Variants in EIF2B3 observed in about 807,000 individuals in gnomAD.
The protein encoded by EIF2B3 is eukaryotic translation initiation factor 2B subunit gamma.
Under a neutral mutation model 54.1 loss-of-function variants are expected in EIF2B3, and 20 were observed. That is an observed-to-expected ratio of 0.37 (90% confidence interval 0.26 to 0.54). The LOEUF is 0.54. Among genes scored for constraint, EIF2B3 ranks in the 20% least tolerant of loss-of-function variants. The pLI is 0.86. For synonymous variants in EIF2B3, 153 were observed against 188.1 expected (o/e 0.81, Z 1.52); for missense variants, 448 against 547.8 (o/e 0.82, Z 1.82).
intron 1 of EIF2B3, among the ~76,000 whole-genome samples, chr1:44,984,795 A>ATTTTTTTTTTTTTTTTT (rs1557718636): frequency 1.2e-5 from 1 of 80,470 alleles, no homozygotes; most frequent in Non-Finnish European, 2.1e-5. Context: ...AATAATGTCC[A>ATTTTTTTTTTTTTTTTT]TCTTTTTTTT....
chr1:44,902,682 G>C (rs1349297692), intron 5 of EIF2B3, among the ~76,000 whole-genome samples: 1 of 151,520 alleles, frequency 6.6e-6, no homozygotes, highest in Non-Finnish European at 1.5e-5. Context: ...AGAAAAACTA[G>C]CCAGGCATGG....
chr1:44,958,798 G>A, intron 3 of EIF2B3: 2 of 1,309,084 alleles, frequency 1.5e-6, no homozygotes, highest in South Asian at 1.2e-5. Context: ...GCAGGACTGC[G>A]ACAAGAGATC....
intron 3 of EIF2B3, among the ~76,000 whole-genome samples, chr1:44,948,776 A>G (rs1644130692): frequency 6.6e-6 from 1 of 152,122 alleles, no homozygotes; most frequent in South Asian, 2.1e-4. Flanking sequence ...AGGGTCTTCA[A>G]AATATGACTC....
intron 11 of EIF2B3, among the ~76,000 whole-genome samples, chr1:44,854,282 C>T (rs970666570): frequency 6.6e-6 from 1 of 151,994 alleles, no homozygotes; most frequent in South Asian, 2.1e-4. Flanking sequence ...GGATTACAGG[C>T]GTGAGCTACA....
intron 8 of EIF2B3, among the ~76,000 whole-genome samples, chr1:44,876,017 C>A (rs536822039): frequency 7.9e-5 from 12 of 152,338 alleles, no homozygotes; most frequent in South Asian, 4.1e-4. Flanking sequence ...AGCTCCTAAC[C>A]GCGAGTGATC....
chr1:44,925,991 G>A (rs1643843943), intron 5 of EIF2B3, among the ~76,000 whole-genome samples: 1 of 151,884 alleles, frequency 6.6e-6, no homozygotes, highest in Non-Finnish European at 1.5e-5. Flanking sequence ...ACTTTGGGGG[G>A]CCGAGGTGGG....
intron 10 of EIF2B3, among the ~76,000 whole-genome samples, chr1:44,870,362 G>A (rs1210613167): frequency 6.6e-6 from 1 of 151,986 alleles, no homozygotes; most frequent in Non-Finnish European, 1.5e-5. Context: ...CACAGACCTT[G>A]TCTCCCACAA....
intron 11 of EIF2B3, among the ~76,000 whole-genome samples, chr1:44,855,041 G>C (rs1442233881): frequency 2.0e-5 from 3 of 151,194 alleles, no homozygotes; most frequent in African/African-American, 2.4e-5. Context: ...CAAGTCTTGA[G>C]TGCTGCACTG....
At chr1:44,909,620 A>G (rs1643474612) in intron 5 of EIF2B3, among the ~76,000 whole-genome samples, 2 of 152,184 alleles carry the variant, frequency 1.3e-5, no homozygotes, top group Admixed American at 1.3e-4. Context: ...AGATATTGAC[A>G]TGGGTTATCT....
rs263976 is a variant in EIF2B3 at position 44,893,244 on chromosome 1, T to C, written c.656+4111A>G. On this transcript the variant is annotated intron_variant, in intron 6 of 11. Transcript: ENST00000360403. ...ATGCCCAGCTAACATAACTTCATTT[T>C]GTATGTGGCTTTAATTATTACCTTG... is the stretch of plus-strand genomic sequence containing the variant. 6.7e-3 allele frequency among the ~76,000 whole-genome samples: 1,018 copies of C among 152,296 alleles called. 13 individuals carry two copies. Among genetic ancestry groups the C allele is most frequent in the African/African-American group, 0.023 (967 of 41,560 alleles).
In EIF2B3 at chr1:44,877,012, G is replaced by C. The variant is rs149457687; in HGVS notation, c.976-1317C>G. On this transcript the variant is annotated intron_variant, in intron 8 of 11. Coordinates refer to ENST00000360403, the MANE Select transcript of EIF2B3 (RefSeq NM_020365.5). The stretch of plus-strand genomic sequence containing the variant: ...CTTGAAGGCAGCATGCTCGTTAAGA[G>C]TCATCACCACTCCCTGATCTTAAGT... 3.5e-3 allele frequency among the ~76,000 whole-genome samples: 523 copies of C among 149,858 alleles called. 4 individuals carry two copies. Among genetic ancestry groups the C allele is most frequent in the African/African-American group, 0.012 (476 of 40,058 alleles).
chr1:44,850,685 G>T lies in EIF2B3; in HGVS notation c.*266C>A. The T allele has an allele frequency of 1.9e-6, 1 of 532,086 alleles. No homozygotes were observed. The highest frequency in any genetic ancestry group is 3.4e-6 in the Non-Finnish European group (1 of 297,460). 33.0% of individuals were successfully genotyped at this position (532,086 alleles called of 1,614,324 possible). A position where few individuals can be genotyped will look rare whatever the true frequency, so the allele number is the denominator to read the frequency against. On this transcript the variant is annotated 3_prime_UTR_variant, in exon 12 of 12. Coordinates refer to ENST00000360403, the MANE Select transcript of EIF2B3 (RefSeq NM_020365.5). ...TACATTGGACAGCTGCTGCCCCACC[G>T]ATACATCTTGGCACACAAGAGTTAG...
chr1:44,942,415 A>ATGTG (rs879785374), intron 3 of EIF2B3, among the ~76,000 whole-genome samples: 73 of 6,970 alleles, frequency 0.01, 8 homozygotes, highest in Non-Finnish European at 0.015. Context: ...ATATATATAT[A>ATGTG]TATTTTTTTT....
intron 3 of EIF2B3, among the ~76,000 whole-genome samples, chr1:44,943,733 T>G (rs1345465196): frequency 5.3e-5 from 8 of 152,198 alleles, no homozygotes; most frequent in Non-Finnish European, 1.0e-4. Flanking sequence ...CCAGAGCTGT[T>G]ATTATTAGCA....
intron 10 of EIF2B3, among the ~76,000 whole-genome samples, chr1:44,861,548 T>C (rs1654609883): frequency 6.6e-6 from 1 of 152,100 alleles, no homozygotes; most frequent in Non-Finnish European, 1.5e-5. Flanking sequence ...GTGGGAGAGA[T>C]TTCTGGAAGG....
intron 3 of EIF2B3, among the ~76,000 whole-genome samples, chr1:44,942,722 C>T (rs1470374664): frequency 6.6e-6 from 1 of 151,520 alleles, no homozygotes; most frequent in Non-Finnish European, 1.5e-5. Context: ...GCTACCATGC[C>T]TGATTATAAT....
intron 3 of EIF2B3, among the ~76,000 whole-genome samples, chr1:44,951,729 T>C (rs1644162526): frequency 6.6e-6 from 1 of 151,984 alleles, no homozygotes; most frequent in Non-Finnish European, 1.5e-5. Flanking sequence ...ACTTTTACAT[T>C]CTCAGAGATA....
intron 5 of EIF2B3, among the ~76,000 whole-genome samples, chr1:44,917,297 C>T (rs1643642267): frequency 1.3e-5 from 2 of 151,994 alleles, no homozygotes. Flanking sequence ...AGTTTGAGAC[C>T]AGCCTGACCA....
chr1:44,951,282 GAACA>G (rs932981821), intron 3 of EIF2B3, among the ~76,000 whole-genome samples: 19 of 152,190 alleles, frequency 1.2e-4, no homozygotes, highest in African/African-American at 4.6e-4. Flanking sequence ...ATACAGCAAT[GAACA>G]AACAAACAAA....
Sources: allele counts gnomAD v4.1 joint callset (sites outside exome capture counted in the v4.1 genomes callset), GRCh38; gene constraint gnomAD v4.1.1; transcripts MANE v1.5; gene names NCBI Gene and HGNC (gene_info 2026-07-23, HGNC 2026-07-21).